The following METTL6 variants were observed in gnomAD, a reference collection of about 807,000 sequenced individuals.
The protein encoded by METTL6 is tRNA N(3)-cytidine methyltransferase METTL6.
In METTL6, 22 loss-of-function variants were observed where a neutral mutation model predicts 26.4. The observed-to-expected ratio is 0.83, with a 90% CI of 0.59 to 1.19. METTL6 has a LOEUF of 1.19. Ranked by LOEUF, METTL6 falls within the 50% of genes most tolerant of loss-of-function variation. The probability of loss-of-function intolerance (pLI) is 0.00; values close to 1 mark genes in which losing one functional copy is unlikely to be tolerated. For missense variants in METTL6, 304 were observed against 324.8 expected, an observed-to-expected ratio of 0.94 and a Z score of 0.49; for synonymous variants, 109 against 116.2, an observed-to-expected ratio of 0.94 and a Z score of 0.40.
intron 5 of METTL6, among the ~76,000 whole-genome samples, chr3:15,412,632 T>C (rs578035219): frequency 6.6e-6 from 1 of 151,956 alleles, no homozygotes; most frequent in Non-Finnish European, 1.5e-5. Flanking sequence ...CACAAGTGCA[T>C]GCCACCACTC....
intron 4 of METTL6, chr3:15,415,439 G>A: frequency 6.7e-7 from 1 of 1,502,472 alleles, no homozygotes; most frequent in Non-Finnish European, 9.0e-7. Context: ...TTACAGGCAT[G>A]AAACACCACA....
downstream of METTL6, among the ~76,000 whole-genome samples, chr3:15,408,017 G>A (rs1699847212): frequency 6.6e-6 from 1 of 152,180 alleles, no homozygotes; most frequent in African/African-American, 2.4e-5. Flanking sequence ...AATGCAGTTT[G>A]TGTGGATAAG....
chr3:15,408,215 C>T (rs532331375), downstream of METTL6, among the ~76,000 whole-genome samples: 36 of 152,216 alleles, frequency 2.4e-4, no homozygotes, highest in African/African-American at 8.2e-4. Flanking sequence ...GTGACTGGAA[C>T]GAGACACAGG....
intron 6 of METTL6, among the ~76,000 whole-genome samples, chr3:15,401,880 A>G (rs890494802): frequency 8.5e-5 from 13 of 152,230 alleles, no homozygotes; most frequent in East Asian, 1.9e-4. Flanking sequence ...AGAAATAACT[A>G]TAAGTATACT....
rs1699933402 is a variant in METTL6 at position 15,410,769 on chromosome 3, T to G, written c.*487A>C. On this transcript the variant is annotated 3_prime_UTR_variant, in exon 6 of 6. Coordinates refer to ENST00000383790, the MANE Select transcript of METTL6 (RefSeq NM_152396.4). Reference sequence around the variant, plus strand: ...CTGTAGTCCTAGCTACTCAGGAGGCTGAGGCAGGAAGACTGCTTGAGCCCA... The same window carrying G: ...CTGTAGTCCTAGCTACTCAGGAGGCGGAGGCAGGAAGACTGCTTGAGCCCA... Among the ~76,000 whole-genome samples, 1 of 151,942 alleles carries G rather than the reference T, an allele frequency of 6.6e-6. No homozygotes were observed. Among genetic ancestry groups the G allele is most frequent in the African/African-American group, 2.4e-5 (1 of 41,354 alleles).
chr3:15,410,829 C>T lies in METTL6; in HGVS notation c.*427G>A, dbSNP rs1345916091. ...GAGGCTACAATGAGCTGTGATCACA[C>T]ACCACTGCACTCCAGCCTGCGTACC... On this transcript the variant is annotated 3_prime_UTR_variant, in exon 6 of 6. Transcript: ENST00000383790. 6.6e-6 allele frequency among the ~76,000 whole-genome samples: 1 copy of T among 152,162 alleles called. No homozygotes were observed. The highest frequency in any genetic ancestry group is 1.5e-5 in the Non-Finnish European group (1 of 68,022).
intron 6 of METTL6, among the ~76,000 whole-genome samples, chr3:15,402,657 C>T (rs1019171697): frequency 6.7e-6 from 1 of 149,182 alleles, no homozygotes; most frequent in Non-Finnish European, 1.5e-5. Flanking sequence ...TCACTTGAAC[C>T]GAGGAGGCGG....
chr3:15,414,347 T>C, intron 4 of METTL6, 185 bp from the exon 5 acceptor site: 1 of 1,331,190 alleles, frequency 7.5e-7, no homozygotes, highest in Non-Finnish European at 9.6e-7. Flanking sequence ...TCCATAACAC[T>C]AAGACACTTC....
At chr3:15,386,840 C>T (rs935569715) in intron 6 of METTL6, among the ~76,000 whole-genome samples, 2 of 151,944 alleles carry the variant, frequency 1.3e-5, no homozygotes, top group African/African-American at 4.8e-5. Context: ...GTCACTCAGG[C>T]TGGAGTACAA....
At chr3:15,416,124 G>A (rs1270301500) in intron 3 of METTL6, among the ~76,000 whole-genome samples, 182 bp from the exon 4 acceptor site, 1 of 152,144 alleles carries the variant, frequency 6.6e-6, no homozygotes. Context: ...TACTGCTACA[G>A]GAGCAAGACT....
rs766926043 is a variant in METTL6, at chr3:15,425,023, A to T, written c.292T>A (p.Leu98Ile). 8 of 1,614,192 alleles carry T rather than the reference A, an allele frequency of 5.0e-6. No homozygotes were observed. In the Middle Eastern group the frequency reaches 1.2e-3, roughly 233 times the overall value. The change falls in exon 3 of 6, where the codon TTA becomes ATA. Residue 98 changes from leucine (L) to isoleucine (I), a missense_variant. Transcript: ENST00000383790. ...CGVGNCLFPL[L>I]EEDPNIFAYA... ...GCAAAGATATTCGGATCTTCTTCTA[A>T]AAGTGGGAATAAACAGTTTCCAACC... is the stretch of plus-strand genomic sequence containing the variant.
downstream of METTL6, among the ~76,000 whole-genome samples, chr3:15,406,748 G>GC (rs536959080): frequency 8.0e-5 from 12 of 150,616 alleles, no homozygotes; most frequent in East Asian, 2.2e-3. Context: ...CCAGGTTCCT[G>GC]CCTCAGCTTC....
At chr3:15,386,236 G>C (rs1222114536) in intron 6 of METTL6, among the ~76,000 whole-genome samples, 1 of 152,092 alleles carries the variant, frequency 6.6e-6, no homozygotes, top group African/African-American at 2.4e-5. Context: ...GTGCTGGTGG[G>C]AGTGTCTTTT....
At chr3:15,415,329 A>C (rs1869853) in intron 4 of METTL6, among the ~76,000 whole-genome samples, 1 of 152,168 alleles carries the variant, frequency 6.6e-6, no homozygotes, top group Non-Finnish European at 1.5e-5. Flanking sequence ...ATGATCATAC[A>C]TTAGCTTTTT....
chr3:15,404,683 A>T (rs1232927037), intron 6 of METTL6, among the ~76,000 whole-genome samples: 2 of 151,942 alleles, frequency 1.3e-5, no homozygotes, highest in Non-Finnish European at 2.9e-5. Context: ...TTTATTTTAA[A>T]GACAGGGTCC....
intron 6 of METTL6, among the ~76,000 whole-genome samples, chr3:15,404,033 C>G (rs940091991): frequency 5.3e-5 from 8 of 152,132 alleles, no homozygotes; most frequent in African/African-American, 1.9e-4. Flanking sequence ...TTACAACCTG[C>G]TTTATAAGCA....
In METTL6 at chr3:15,386,155, A is replaced by G. The variant is rs529143283; in HGVS notation, c.*12-1968T>C. On this transcript the variant is annotated intron_variant, in intron 6 of 6. Coordinates refer to the METTL6 transcript ENST00000443029. ...AAAGGGTGGGCAATTTCCAGAACTG[A>G]GGGTTCCTCCCCTTTTTAGAATATG... is the stretch of plus-strand genomic sequence containing the variant. 5.3e-5 allele frequency among the ~76,000 whole-genome samples: 8 copies of G among 152,324 alleles called. No homozygotes were observed. The South Asian group carries it at 1.2e-3, about 24-fold the overall frequency.
chr3:15,425,362 G>A (rs868736633), intron 2 of METTL6, among the ~76,000 whole-genome samples: 2 of 152,136 alleles, frequency 1.3e-5, no homozygotes, highest in South Asian at 4.1e-4. Flanking sequence ...TCTATCCTTG[G>A]GTAAATCACT....
At chr3:15,404,109 C>A (rs1699724774) in intron 6 of METTL6, among the ~76,000 whole-genome samples, 1 of 152,108 alleles carries the variant, frequency 6.6e-6, no homozygotes, top group South Asian at 2.1e-4. Context: ...ATGCCTTAAC[C>A]TCCTGGGAAT....
Sources: allele counts gnomAD v4.1 joint callset (sites outside exome capture counted in the v4.1 genomes callset), GRCh38; gene constraint gnomAD v4.1.1; transcripts MANE v1.5; gene names NCBI Gene and HGNC (gene_info 2026-07-23, HGNC 2026-07-21).